FAT1: variants seen among roughly 807,000 people sequenced by gnomAD.
FAT1 encodes the protein protocadherin Fat 1.
A neutral mutation model predicts 329.8 loss-of-function variants in FAT1; 171 were observed. That is an observed-to-expected ratio of 0.52 (90% CI 0.46 to 0.59). The LOEUF is 0.59. Among genes scored for constraint, FAT1 ranks in the 20% least tolerant of loss-of-function variants. FAT1 has a pLI of 0.00. For missense variants in FAT1, 5,672 were observed against 5,774.4 expected (o/e 0.98, Z 0.57); for synonymous variants, 2,233 against 2,228.6 (o/e 1.00, Z -0.06).
intron 3 of FAT1, among the ~76,000 whole-genome samples, chr4:186,641,043 A>G (rs1741067412): frequency 6.6e-6 from 1 of 152,200 alleles, no homozygotes; most frequent in Non-Finnish European, 1.5e-5. Flanking sequence ...TTTCTCCCAT[A>G]ATCTTTACTA....
chr4:186,589,097 T>G lies in FAT1; in HGVS notation c.13262A>C (p.Asp4421Ala). ...PLYSADPNAI[D>A]TDYYPGGYDI... ...GTAGCCTCCAGGGTAATAGTCCGTA[T>G]CGATGGCGTTTGGATCTGCTGAGTA... The change falls in exon 27 of 27, where the codon GAT becomes GCT. Residue 4421 changes from aspartate (D) to alanine (A), a missense_variant. Asp to Ala is a moderately radical substitution (Grantham distance 126, BLOSUM62 -2). This residue lies in a region of FAT1 where 1,706 missense variants were observed against 1,859.1 expected (regional missense o/e 0.92). Transcript: ENST00000441802. The G allele has an allele frequency of 6.2e-7, 1 of 1,613,920 alleles. No homozygotes were observed. Among genetic ancestry groups the G allele is most frequent in the Non-Finnish European group, 8.5e-7 (1 of 1,179,870 alleles).
rs1022781545 is a variant in FAT1 at position 186,596,419 on chromosome 4, G to A, written c.13000+121C>T. The A allele has an allele frequency of 2.0e-5, 22 of 1,126,096 alleles. No individual in the cohort carries two copies. In the East Asian group the frequency reaches 4.6e-4, roughly 23 times the overall value. 69.8% of individuals were successfully genotyped at this position (1,126,096 alleles called of 1,614,324 possible). On this transcript the variant is annotated intron_variant, in intron 25 of 26. Transcript: ENST00000441802. The surrounding 1 kb of genome is among the most constrained non-coding windows in gnomAD (Gnocchi z 4.7). ...CCAAAAAAGTTTCAAATCATCATAC[G>A]GATTTCAGTCTGAGCATACTTGTCT...
Position 186,707,664 on chromosome 4 carries a change from T to A in FAT1, c.2164A>T (p.Thr722Ser), listed in dbSNP as rs2126690372. 2 of 1,613,966 alleles carry A rather than the reference T, an allele frequency of 1.2e-6. No homozygotes were observed. Among genetic ancestry groups the A allele is most frequent in the Non-Finnish European group, 1.7e-6 (2 of 1,179,886 alleles). The change falls in exon 2 of 27, where the codon ACT becomes TCT. Residue 722 changes from threonine (T) to serine (S), a missense_variant. Physicochemically the swap from Thr to Ser is moderately conservative, Grantham distance 58. This residue lies in a region of FAT1 where 3,966 missense variants were observed against 3,915.2 expected (regional missense o/e 1.01). Transcript: ENST00000441802. ...TGGTTTTCCTTTACCTGAATACCAG[T>A]CGGAAGAGTGCTTCTAAACTGCGGT... ...HIPQFRSTLP[T>S]GIQVKENQPV...
chr4:186,622,214 G>A (rs1237034155), intron 9 of FAT1, among the ~76,000 whole-genome samples: 4 of 152,286 alleles, frequency 2.6e-5, no homozygotes, highest in East Asian at 1.9e-4. Context: ...GAAAGATTTC[G>A]ATTCAGTAAG....
At chr4:186,641,642 C>T (rs570299286) in intron 3 of FAT1, among the ~76,000 whole-genome samples, 31 of 152,284 alleles carry the variant, frequency 2.0e-4, no homozygotes, top group African/African-American at 6.7e-4. Context: ...AAATACAACT[C>T]CCCACTTCAC....
Position 186,596,628 on chromosome 4 carries a change from C to A in FAT1, c.12912G>T (p.Val4304=), listed in dbSNP as rs2126387406. The part of the protein sequence containing the change: ...GHRKAVAVCS[V]APNLPPPPPS... Reference sequence around the variant, plus strand: ...GGGGTGGGGGAGGCAGGTTTGGCGCCACGCTGCAGACCGCCACTGCTTTTC... The same window carrying A: ...GGGGTGGGGGAGGCAGGTTTGGCGCAACGCTGCAGACCGCCACTGCTTTTC... The change falls in exon 25 of 27, where the codon GTG becomes GTT. Residue 4304 remains valine (V), a synonymous_variant. Transcript: ENST00000441802. The surrounding 1 kb of genome is among the most constrained non-coding windows in gnomAD (Gnocchi z 4.7). 1.9e-6 allele frequency: 3 copies of A among 1,610,698 alleles called. No individual in the cohort carries two copies. The highest frequency in any genetic ancestry group is 2.5e-6 in the Non-Finnish European group (3 of 1,178,470).
In FAT1 at chr4:186,613,246, G is replaced by C. The variant is rs1393948857; in HGVS notation, c.9326C>G (p.Ala3109Gly). ...ATCTTCTAGCGTGAGCACAATACTG[G>C]CTTGGCAGAATCTTCCTCCTCCATC... ...ATDGGGRFCQ[A>G]SIVLTLEDVN... The change falls in exon 13 of 27, where the codon GCC becomes GGC. Residue 3109 changes from alanine to glycine, a missense_variant. Ala to Gly is a moderately conservative substitution (Grantham distance 60). Coordinates refer to ENST00000441802, the MANE Select transcript of FAT1 (RefSeq NM_005245.4). The C allele has an allele frequency of 6.2e-7, 1 of 1,613,912 alleles. No individual in the cohort carries two copies. Among genetic ancestry groups the C allele is most frequent in the South Asian group, 1.1e-5 (1 of 91,080 alleles).
At chr4:186,641,859 T>C (rs556898580) in intron 3 of FAT1, among the ~76,000 whole-genome samples, 1 of 151,904 alleles carries the variant, frequency 6.6e-6, no homozygotes, top group South Asian at 2.1e-4. Context: ...ATACAAAAAG[T>C]TAGCTGACAT....
chr4:186,644,852 C>T (rs181413902), intron 3 of FAT1, among the ~76,000 whole-genome samples: 1 of 152,254 alleles, frequency 6.6e-6, no homozygotes, highest in Admixed American at 6.5e-5. Flanking sequence ...ACAGCTGGAG[C>T]GATGAATGCA....
chr4:186,669,475 G>A (rs1742636389), intron 2 of FAT1, among the ~76,000 whole-genome samples: 1 of 152,218 alleles, frequency 6.6e-6, no homozygotes, highest in Non-Finnish European at 1.5e-5. Context: ...CCTGAATGAA[G>A]CATTACGGAA....
intron 2 of FAT1, among the ~76,000 whole-genome samples, chr4:186,693,391 C>A (rs1295503591): frequency 9.6e-6 from 1 of 104,300 alleles, no homozygotes; most frequent in Non-Finnish European, 1.9e-5. Context: ...TGTGTCACAG[C>A]ACGTGGGAGA....
chr4:186,689,986 C>G (rs140053525), intron 2 of FAT1, among the ~76,000 whole-genome samples: 5 of 152,274 alleles, frequency 3.3e-5, no homozygotes, highest in African/African-American at 1.2e-4. Context: ...ACTTTCCTAT[C>G]ATTTTTTCTC....
In FAT1 at chr4:186,620,851, G is replaced by C; in HGVS notation, c.5735C>G (p.Ser1912Ter). Residue 1912 changes from serine (S) to a stop codon, truncating the protein, a stop_gained, in exon 10 of 27, where the codon TCA becomes TGA. Coordinates refer to ENST00000441802, the MANE Select transcript of FAT1 (RefSeq NM_005245.4). LOFTEE classifies it high-confidence loss of function. ...TTCGGTGATGGAGTAAATCAACTGT[G>C]AGAATGCACTTGAATCAGCATCTGT... Reference protein sequence around the residue: ...NATDADSSAFSQLIYSITEGN... With the variant: ...NATDADSSAF 1 of 1,614,014 alleles carries C rather than the reference G, an allele frequency of 6.2e-7. No individual in the cohort carries two copies. Among genetic ancestry groups the C allele is most frequent in the African/African-American group, 1.3e-5 (1 of 75,058 alleles).
At position 186,604,425 on chromosome 4, in the gene FAT1, T is replaced by A. The variant is rs1408708525; in HGVS notation, c.10500A>T (p.Ser3500=). The A allele has an allele frequency of 6.2e-7, 1 of 1,613,904 alleles. No homozygotes were observed. ...EVNPQGVLLT[S]SAIKRKEKDH... Reference sequence around the variant, plus strand: ...CTTTCTCCTTCCTCTTGATGGCAGATGATGTCAGGAGGACTCCTTGCGGGT... The same window carrying A: ...CTTTCTCCTTCCTCTTGATGGCAGAAGATGTCAGGAGGACTCCTTGCGGGT... Residue 3500 remains serine, a synonymous_variant, in exon 18 of 27, where the codon TCA becomes TCT. Transcript: ENST00000441802.
chr4:186,673,545 C>G (rs1488768863), intron 2 of FAT1, among the ~76,000 whole-genome samples: 1 of 152,076 alleles, frequency 6.6e-6, no homozygotes, highest in Non-Finnish European at 1.5e-5. Context: ...AAGTCAATGA[C>G]AAAAGGAAAA....
chr4:186,623,105 CT>C (rs1432047701), intron 9 of FAT1, among the ~76,000 whole-genome samples: 1 of 152,218 alleles, frequency 6.6e-6, no homozygotes, highest in Non-Finnish European at 1.5e-5. Context: ...ATCCAGCCTG[CT>C]TTTCATTAAG....
intron 2 of FAT1, among the ~76,000 whole-genome samples, chr4:186,682,534 A>G (rs901209235): frequency 5.9e-4 from 27 of 45,800 alleles, no homozygotes; most frequent in African/African-American, 1.2e-3. Context: ...CTCAAAAAAA[A>G]AAAAAAAAAA....
chr4:186,713,249 C>T (rs1263140320), intron 1 of FAT1, among the ~76,000 whole-genome samples: 1 of 152,048 alleles, frequency 6.6e-6, no homozygotes, highest in African/African-American at 2.4e-5. Context: ...CTGGAATGTA[C>T]GTTTCTCAGA....
rs759239082 is a variant in FAT1, at chr4:186,619,901, T to C, written c.6685A>G (p.Ile2229Val). Residue 2229 changes from isoleucine (I) to valine (V), a missense_variant, in exon 10 of 27, where the codon ATT becomes GTT. Coordinates refer to ENST00000441802, the MANE Select transcript of FAT1 (RefSeq NM_005245.4). ...TTGATAACTCCAGTATTGAAGTTAA[T>C]AGTGAACTGGCTGAAAGGGTCTCCG... ...TDGDPFSQFT[I>V]NFNTGVINVI... 3.7e-6 allele frequency: 6 copies of C among 1,613,900 alleles called. No individual in the cohort carries two copies. Among genetic ancestry groups the C allele is most frequent in the African/African-American group, 1.3e-5 (1 of 74,930 alleles).
Sources: allele counts gnomAD v4.1 joint callset (sites outside exome capture counted in the v4.1 genomes callset), GRCh38; gene constraint gnomAD v4.1.1; regional missense constraint gnomAD v4.1.1; non-coding constraint Gnocchi (gnomAD v3.1); transcripts MANE v1.5; gene names NCBI Gene and HGNC (gene_info 2026-07-23, HGNC 2026-07-21).